The following DMRTC2 variants were observed in gnomAD, a reference collection of about 807,000 sequenced individuals.
The protein encoded by DMRTC2 is doublesex- and mab-3-related transcription factor C2.
In DMRTC2, 13 loss-of-function variants were observed where a neutral mutation model predicts 39.9. The observed-to-expected ratio is 0.33, with a 90% CI of 0.21 to 0.52. The LOEUF is 0.52. DMRTC2 is among the 20% of genes least tolerant of loss of function. The pLI, the probability that DMRTC2 is intolerant of heterozygous loss-of-function variation, is 0.96. For missense variants in DMRTC2, 431 were observed against 472.8 expected, an observed-to-expected ratio of 0.91 and a Z score of 0.82; for synonymous variants, 189 against 185.2, an observed-to-expected ratio of 1.02 and a Z score of -0.17.
rs151107202 is a variant in DMRTC2, at chr19:41,851,086, G to A, written c.991+386G>A. The A allele has an allele frequency of 4.3e-4, 99 of 230,596 alleles. 1 individual carries two copies. The East Asian group carries it at 8.6e-3, about 20-fold the overall frequency. The allele number at this position is 230,596 out of a possible 1,614,324, so 14.3% of individuals were successfully genotyped here. On this transcript the variant is annotated intron_variant, in intron 8 of 8. Transcript: ENST00000269945. The stretch of plus-strand genomic sequence containing the variant: ...GTGCCTTCAAGGAGCTTACGTTCTA[G>A]TTAGGGAAATTGGATGCCTTCACAA...
Position 41,851,499 on chromosome 19 carries a change from C to G in DMRTC2, c.992-85C>G. On this transcript the variant is annotated intron_variant, in intron 8 of 8. Coordinates refer to ENST00000269945, the MANE Select transcript of DMRTC2 (RefSeq NM_001040283.3). ...ATAATCCAGGAGAACAATGATGAGGCCTGGATTGGATTCGGTAAAAAGAGG... is the reference window on the plus strand; with the variant it reads ...ATAATCCAGGAGAACAATGATGAGGGCTGGATTGGATTCGGTAAAAAGAGG... 3 of 1,109,552 alleles carry G rather than the reference C, an allele frequency of 2.7e-6. 1 individual carries two copies. Among genetic ancestry groups the G allele is most frequent in the South Asian group, 2.8e-5 (2 of 72,146 alleles). 68.7% of individuals were successfully genotyped at this position (1,109,552 alleles called of 1,614,324 possible).
At chr19:41,845,944 G>A (rs540852895) in intron 1 of DMRTC2, among the ~76,000 whole-genome samples, 5 of 151,898 alleles carry the variant, frequency 3.3e-5, no homozygotes, top group Non-Finnish European at 5.9e-5. Context: ...CTCAGGAGGT[G>A]GAGGCTGCAG....
intron 7 of DMRTC2, 60 bp from the exon 8 acceptor site, chr19:41,850,464 AAC>A (rs1355695287): frequency 1.0e-5 from 16 of 1,579,844 alleles, no homozygotes; most frequent in Non-Finnish European, 1.4e-5. Context: ...GGGGCTGAGG[AAC>A]ACTTAGAGGG....
At chr19:41,844,975 T>G (rs1391495598), upstream of DMRTC2, 1 of 152,246 alleles carries the variant, frequency 6.6e-6, no homozygotes. Context: ...GAGGCGATGC[T>G]TGAAGTTCAT....
At position 41,847,760 on chromosome 19, in the gene DMRTC2, C is replaced by T. The variant is rs1555836312; in HGVS notation, c.249C>T (p.Ala83=). ...LILERRRVMA[A]QVALRRQQEA... is the part of the protein sequence containing the mutation. The stretch of plus-strand genomic sequence containing the variant: ...GGGAGCGCCGCAGGGTCATGGCTGC[C>T]CAGGTGGCCTTGCGTAGGCAGCAGG... Residue 83 remains alanine, a synonymous_variant, in exon 3 of 9, where the codon GCC becomes GCT. Coordinates refer to ENST00000269945, the MANE Select transcript of DMRTC2 (RefSeq NM_001040283.3). The T allele has an allele frequency of 1.2e-6, 2 of 1,614,022 alleles. No homozygotes were observed. The highest frequency in any genetic ancestry group is 1.1e-5 in the South Asian group (1 of 91,058).
chr19:41,851,006 C>T, intron 8 of DMRTC2: 1 of 308,786 alleles, frequency 3.2e-6, no homozygotes, highest in East Asian at 5.5e-5. Flanking sequence ...GTCTCTGGAC[C>T]CAGGCTGCCT....
Position 41,851,806 on chromosome 19 carries a change from A to G in DMRTC2, c.*110A>G. On this transcript the variant is annotated 3_prime_UTR_variant, in exon 9 of 9. Coordinates refer to ENST00000269945, the MANE Select transcript of DMRTC2 (RefSeq NM_001040283.3). ...TATGCATGGAATTTAATGTAGTACA[A>G]GCTTCGGGCTTTTTTGTTTGTTTGT... 1 of 960,500 alleles carries G rather than the reference A, an allele frequency of 1.0e-6. No individual in the cohort carries two copies. Among genetic ancestry groups the G allele is most frequent in the East Asian group, 2.6e-5 (1 of 37,872 alleles). 59.5% of individuals were successfully genotyped at this position (960,500 alleles called of 1,614,324 possible).
chr19:41,849,127 T>C lies in DMRTC2; in HGVS notation c.629-3T>C, dbSNP rs1555836759. ...ACACTCTGCATTCTTTTATTCTTAT[T>C]AGGCTTTGACCCTGGCACCTCCCTC... is the stretch of plus-strand genomic sequence containing the variant. On this transcript the variant is annotated splice_region_variant and splice_polypyrimidine_tract_variant and intron_variant, in intron 5 of 8. Coordinates refer to ENST00000269945, the MANE Select transcript of DMRTC2 (RefSeq NM_001040283.3). The C allele has an allele frequency of 1.2e-6, 2 of 1,614,178 alleles. No individual in the cohort carries two copies. Among genetic ancestry groups the C allele is most frequent in the Non-Finnish European group, 8.5e-7 (1 of 1,179,990 alleles).
chr19:41,845,695 C>T (rs1238169978), intron 1 of DMRTC2, among the ~76,000 whole-genome samples: 1 of 152,174 alleles, frequency 6.6e-6, no homozygotes, highest in Non-Finnish European at 1.5e-5. Flanking sequence ...GGCGTGGTGG[C>T]ACAGGCCTGT....
Position 41,851,845 on chromosome 19 carries a change from T to A in DMRTC2, c.*149T>A. 1.4e-6 allele frequency: 1 copy of A among 697,122 alleles called. No homozygotes were observed. Among genetic ancestry groups the A allele is most frequent in the Non-Finnish European group, 2.3e-6 (1 of 428,938 alleles). 43.2% of individuals were successfully genotyped at this position (697,122 alleles called of 1,614,324 possible). A position where few individuals can be genotyped will look rare whatever the true frequency, so the allele number is the denominator to read the frequency against. ...TTGTTTGTTTGTTTGTTTGTTTGTT[T>A]AAGCTTTCAGGTGCTTCATTAGCTT... On this transcript the variant is annotated 3_prime_UTR_variant, in exon 9 of 9. Transcript: ENST00000269945.
At chr19:41,847,984 C>T (rs1308129868) in intron 3 of DMRTC2, 103 bp downstream of exon 3, 7 of 1,414,032 alleles carry the variant, frequency 5.0e-6, no homozygotes, top group East Asian at 2.5e-5. Context: ...CGACCTTGAA[C>T]TAAGGGTTTC....
chr19:41,849,706 T>G (rs8112569), intron 6 of DMRTC2, among the ~76,000 whole-genome samples: 4,986 of 152,190 alleles, frequency 0.033, 286 homozygotes, highest in African/African-American at 0.11. Context: ...AGTTCTATGG[T>G]GACTGGGGAA....
intron 1 of DMRTC2, 58 bp from the exon 2 acceptor site, chr19:41,847,367 G>A: frequency 6.7e-7 from 1 of 1,502,962 alleles, no homozygotes; most frequent in Admixed American, 2.3e-5. Flanking sequence ...CTCCAGGGCA[G>A]GAGGGTTGTT....
rs782761270 is a variant in DMRTC2 at position 41,850,382 on chromosome 19, A to G, written c.816+10A>G. 6.5e-7 allele frequency: 1 copy of G among 1,535,194 alleles called. No homozygotes were observed. Among genetic ancestry groups the G allele is most frequent in the South Asian group, 1.3e-5 (1 of 77,958 alleles). On this transcript the variant is annotated intron_variant, in intron 7 of 8. Transcript: ENST00000269945. ...TCAGCTACAGCCACAGGTCCTGGGA[A>G]AGAAGTGGGATCTAGGGCCCTGGGA...
rs1555837158 is a variant in DMRTC2, at chr19:41,850,560, G to A, written c.851G>A (p.Gly284Asp). 2 of 1,613,406 alleles carry A rather than the reference G, an allele frequency of 1.2e-6. No homozygotes were observed. Among genetic ancestry groups the A allele is most frequent in the Admixed American group, 1.7e-5 (1 of 59,942 alleles). The change falls in exon 8 of 9, where the codon GGC becomes GAC. Residue 284 changes from glycine (G) to aspartate (D), a missense_variant. Coordinates refer to ENST00000269945, the MANE Select transcript of DMRTC2 (RefSeq NM_001040283.3). ...SGASCLARTS[G>D]PSEWQLQQEA... ...GCCTCGTGCCTGGCCCGGACATCTGGCCCCTCAGAGTGGCAGCTGCAGCAA... is the reference window on the plus strand; with the variant it reads ...GCCTCGTGCCTGGCCCGGACATCTGACCCCTCAGAGTGGCAGCTGCAGCAA...
rs202150918 is a variant in DMRTC2 at position 41,851,622 on chromosome 19, T to C, written c.1030T>C (p.Cys344Arg). Residue 344 changes from cysteine to arginine, a missense_variant, in exon 9 of 9, where the codon TGT becomes CGT. Coordinates refer to ENST00000269945, the MANE Select transcript of DMRTC2 (RefSeq NM_001040283.3). ...GGRGFQPVGP[C>R]LRPSPAPSVA... is the part of the protein sequence containing the mutation. ...AAGAGGATTCCAGCCTGTTGGCCCC[T>C]GTCTTCGACCCAGCCCAGCCCCCTC... 1.6e-4 allele frequency: 264 copies of C among 1,614,208 alleles called. 2 individuals carry two copies. In the East Asian group the frequency reaches 5.8e-3, roughly 35 times the overall value.
rs1169792368 is a variant in DMRTC2, at chr19:41,847,776, A to C, written c.265A>C (p.Arg89=). The C allele has an allele frequency of 1.9e-6, 3 of 1,613,078 alleles. No individual in the cohort carries two copies. Among genetic ancestry groups the C allele is most frequent in the African/African-American group, 2.7e-5 (2 of 74,914 alleles). The change falls in exon 3 of 9, where the codon AGG becomes CGG. Residue 89 remains arginine (R), a synonymous_variant. Coordinates refer to ENST00000269945, the MANE Select transcript of DMRTC2 (RefSeq NM_001040283.3). Reference sequence around the variant, plus strand: ...CATGGCTGCCCAGGTGGCCTTGCGTAGGCAGCAGGAGGCGCAGCTAAAGAA... The same window carrying C: ...CATGGCTGCCCAGGTGGCCTTGCGTCGGCAGCAGGAGGCGCAGCTAAAGAA... ...RVMAAQVALR[R]QQEAQLKKHL...
At chr19:41,850,428 GA>G in intron 7 of DMRTC2, 56 bp downstream of exon 7, 2 of 1,566,504 alleles carry the variant, frequency 1.3e-6, no homozygotes, top group Non-Finnish European at 1.7e-6. Context: ...CCTGGGGAAG[GA>G]AAAAGCAGGA....
Position 41,849,048 on chromosome 19 carries a change from G to A in DMRTC2, c.628+73G>A, listed in dbSNP as rs1159404234. The A allele has an allele frequency of 2.2e-5, 35 of 1,611,508 alleles. No individual in the cohort carries two copies. The East Asian group carries it at 6.5e-4, about 30-fold the overall frequency. On this transcript the variant is annotated intron_variant, in intron 5 of 8. Coordinates refer to ENST00000269945, the MANE Select transcript of DMRTC2 (RefSeq NM_001040283.3). ...CTGCCACATATTGGAGAGGGAAGAG[G>A]AAGAAAGCATAGGTGGGGAGAGGGA...
Sources: allele counts gnomAD v4.1 joint callset (sites outside exome capture counted in the v4.1 genomes callset), GRCh38; gene constraint gnomAD v4.1.1; transcripts MANE v1.5; gene names NCBI Gene and HGNC (gene_info 2026-07-23, HGNC 2026-07-21).